The following CDK9 variants were observed in gnomAD, a reference collection of about 807,000 sequenced individuals.
CDK9 encodes cyclin dependent kinase 9.
A neutral mutation model predicts 39.0 loss-of-function variants in CDK9; 34 were observed. The observed-to-expected ratio is 0.87, with a 90% CI of 0.66 to 1.16. The LOEUF is 1.16. CDK9 is among the 50% of genes most tolerant of loss of function. CDK9 has a pLI of 0.00. For synonymous variants in CDK9, 233 were observed against 196.2 expected (o/e 1.19, Z -1.57); for missense variants, 369 against 503.2 (o/e 0.73, Z 2.55).
At chr9:127,787,405 G>C in intron 2 of CDK9, 113 bp from the exon 3 acceptor site, 1 of 660,204 alleles carries the variant, frequency 1.5e-6, no homozygotes, top group South Asian at 2.0e-5. Context: ...GAGACAGCTG[G>C]TTTCAGAGCC....
chr9:127,786,922 T>C, intron 2 of CDK9, 140 bp downstream of exon 2: 1 of 673,360 alleles, frequency 1.5e-6, no homozygotes, highest in Non-Finnish European at 2.6e-6. Flanking sequence ...GGAATGTGGC[T>C]TCCACCCTAA....
intron 1 of CDK9, 42 bp downstream of exon 1, chr9:127,786,282 C>G (rs780276638): frequency 6.7e-7 from 1 of 1,494,018 alleles, no homozygotes; most frequent in Non-Finnish European, 9.2e-7. Flanking sequence ...TGGGCCTGCA[C>G]CCCTAGGGCC....
At chr9:127,788,414 G>T in intron 5 of CDK9, 29 bp downstream of exon 5, 3 of 1,598,562 alleles carry the variant, frequency 1.9e-6, no homozygotes, top group Non-Finnish European at 2.6e-6. Context: ...GCCAAGGGGG[G>T]TGAGGGCCAG....
At chr9:127,787,379 T>C in intron 2 of CDK9, 139 bp from the exon 3 acceptor site, 1 of 598,360 alleles carries the variant, frequency 1.7e-6, no homozygotes, top group African/African-American at 1.9e-5. Flanking sequence ...ATATCCATTT[T>C]ATAGACAAGG....
At position 127,789,434 on chromosome 9, in the gene CDK9, A is replaced by T. The variant is rs760988808; in HGVS notation, c.1010A>T (p.Glu337Val). 1 of 1,613,916 alleles carries T rather than the reference A, an allele frequency of 6.2e-7. No homozygotes were observed. Among genetic ancestry groups the T allele is most frequent in the Non-Finnish European group, 8.5e-7 (1 of 1,179,998 alleles). The part of the protein sequence containing the change: ...MLSTHLTSMF[E>V]YLAPPRRKGS... ...TCCACCCACCTGACGTCCATGTTCG[A>T]GTACTTGGCACCACCGCGCCGGAAG... is the stretch of plus-strand genomic sequence containing the variant. Residue 337 changes from glutamate to valine, a missense_variant, in exon 7 of 7, where the codon GAG (glutamate) becomes GTG (valine). Coordinates refer to ENST00000373264, the MANE Select transcript of CDK9 (RefSeq NM_001261.4). This position sits in a 1 kb window ranked among gnomAD's most constrained non-coding sequence, Gnocchi z 5.2.
rs967980873 is a variant in CDK9, at chr9:127,790,258, C to T, written c.*715C>T. 1 of 152,108 alleles carries T rather than the reference C, an allele frequency of 6.6e-6. No homozygotes were observed. Among genetic ancestry groups the T allele is most frequent in the Non-Finnish European group, 1.5e-5 (1 of 68,058 alleles). 9.4% of individuals were successfully genotyped at this position (152,108 alleles called of 1,614,324 possible). A position where few individuals can be genotyped will look rare whatever the true frequency, so the allele number is the denominator to read the frequency against. On this transcript the variant is annotated 3_prime_UTR_variant, in exon 7 of 7. Transcript: ENST00000373264. ...GTTCTCTTCCATAATTGGAAAGGAC[C>T]TTTGTCTGTTTTTCCTCTTGGGTGC...
In CDK9 at chr9:127,789,686, G is replaced by A; in HGVS notation, c.*143G>A. ...CTGGGCTCTGGGAGCAGCCCGCTGA[G>A]TGGACTGGAGTGGAGCATTGGCTGA... is the stretch of plus-strand genomic sequence containing the variant. On this transcript the variant is annotated 3_prime_UTR_variant, in exon 7 of 7. Coordinates refer to ENST00000373264, the MANE Select transcript of CDK9 (RefSeq NM_001261.4). The surrounding 1 kb of genome is among the most constrained non-coding windows in gnomAD (Gnocchi z 5.2). The A allele has an allele frequency of 9.7e-7, 1 of 1,030,190 alleles. No individual in the cohort carries two copies. The highest frequency in any genetic ancestry group is 1.7e-5 in the South Asian group (1 of 60,276). 63.8% of individuals were successfully genotyped at this position (1,030,190 alleles called of 1,614,324 possible).
In CDK9 at chr9:127,790,383, G is replaced by C. The variant is rs985775748; in HGVS notation, c.*840G>C. ...TCACCCAGCTGGGCAAATCACTGGA[G>C]TGACAATTTGACCTGTCACCTGAGA... On this transcript the variant is annotated 3_prime_UTR_variant, in exon 7 of 7. Transcript: ENST00000373264. 1 of 152,318 alleles carries C rather than the reference G, an allele frequency of 6.6e-6. No homozygotes were observed. Among genetic ancestry groups the C allele is most frequent in the African/African-American group, 2.4e-5 (1 of 41,446 alleles). The allele number at this position is 152,318 out of a possible 1,614,324, so 9.4% of individuals were successfully genotyped here. A position where few individuals can be genotyped will look rare whatever the true frequency, so the allele number is the denominator to read the frequency against.
intron 2 of CDK9, among the ~76,000 whole-genome samples, chr9:127,787,065 T>C (rs1361183277): frequency 6.6e-6 from 1 of 152,220 alleles, no homozygotes; most frequent in Non-Finnish European, 1.5e-5. Context: ...TTTCGCTTAA[T>C]GTAAAAGAAA....
In CDK9 at chr9:127,789,210, C is replaced by G; in HGVS notation, c.786C>G (p.Tyr262Ter). Residue 262 changes from tyrosine (Y) to a stop codon, truncating the protein, a stop_gained, in exon 7 of 7, where the codon TAC becomes TAG. Transcript: ENST00000373264. LOFTEE classifies it high-confidence loss of function. This position sits in a 1 kb window ranked among gnomAD's most constrained non-coding sequence, Gnocchi z 5.2. The stretch of plus-strand genomic sequence containing the variant: ...CAAACGTGGACAACTATGAGCTGTA[C>G]GAAAAGCTGGAGCTGGTCAAGGGCC... ...VWPNVDNYEL[Y>*]EKLELVKGQK... 6.2e-7 allele frequency: 1 copy of G among 1,602,540 alleles called. No homozygotes were observed. The highest frequency in any genetic ancestry group is 8.5e-7 in the Non-Finnish European group (1 of 1,172,298).
In CDK9 at chr9:127,786,144, C is replaced by G; in HGVS notation, c.-5C>G. ...GGGGGCGGCGGCGGCGCGTTGGAGG[C>G]GGCCATGGCAAAGCAGTACGACTCG... On this transcript the variant is annotated 5_prime_UTR_variant, in exon 1 of 7. Coordinates refer to ENST00000373264, the MANE Select transcript of CDK9 (RefSeq NM_001261.4). 6.3e-7 allele frequency: 1 copy of G among 1,592,012 alleles called. No individual in the cohort carries two copies. Among genetic ancestry groups the G allele is most frequent in the Non-Finnish European group, 8.5e-7 (1 of 1,170,436 alleles).
In CDK9 at chr9:127,789,985, CAGGAGAATTTTACTGTGT is replaced by C. The variant is rs1442970371; in HGVS notation, c.*443_*460del. The C allele has an allele frequency of 6.2e-6, 1 of 162,086 alleles. No homozygotes were observed. Among genetic ancestry groups the C allele is most frequent in the Non-Finnish European group, 1.3e-5 (1 of 74,728 alleles). The allele number at this position is 162,086 out of a possible 1,614,324, so 10.0% of individuals were successfully genotyped here. A position where few individuals can be genotyped will look rare whatever the true frequency, so the allele number is the denominator to read the frequency against. The stretch of plus-strand genomic sequence containing the variant: ...TGGCACAAACTCTTGGTTTCTTCAA[CAGGAGAATTTTACTGTGT>C]TTCTTTTGGTTCCATTGTTTGGAGA... On this transcript the variant is annotated 3_prime_UTR_variant, in exon 7 of 7. Transcript: ENST00000373264. This position sits in a 1 kb window ranked among gnomAD's most constrained non-coding sequence, Gnocchi z 5.2.
Position 127,789,229 on chromosome 9 carries a change from A to G in CDK9, c.805A>G (p.Lys269Glu). The change falls in exon 7 of 7, where the codon AAG becomes GAG. Residue 269 changes from lysine to glutamate, a missense_variant. Lys to Glu is a moderately conservative substitution (Grantham distance 56, BLOSUM62 1). Coordinates refer to ENST00000373264, the MANE Select transcript of CDK9 (RefSeq NM_001261.4). This position sits in a 1 kb window ranked among gnomAD's most constrained non-coding sequence, Gnocchi z 5.2. ...YELYEKLELV[K>E]GQKRKVKDRL... ...GCTGTACGAAAAGCTGGAGCTGGTC[A>G]AGGGCCAGAAGCGGAAGGTGAAGGA... 6.2e-7 allele frequency: 1 copy of G among 1,610,242 alleles called. No homozygotes were observed. Among genetic ancestry groups the G allele is most frequent in the Non-Finnish European group, 8.5e-7 (1 of 1,177,218 alleles).
intron 3 of CDK9, 88 bp from the exon 4 acceptor site, chr9:127,787,859 G>A: frequency 5.7e-6 from 8 of 1,409,346 alleles, no homozygotes; most frequent in Non-Finnish European, 8.0e-6. Context: ...GGTGCCCGTG[G>A]GTTGGAGCAG....
chr9:127,786,110 G>T lies in CDK9; in HGVS notation c.-39G>T, dbSNP rs544840251. The T allele has an allele frequency of 3.3e-6, 5 of 1,511,230 alleles. No individual in the cohort carries two copies. In the South Asian group the frequency reaches 4.6e-5, roughly 14 times the overall value. The allele number at this position is 1,511,230 out of a possible 1,614,324, so 93.6% of individuals were successfully genotyped here. The stretch of plus-strand genomic sequence containing the variant: ...GGGACCCGGAGCAGGAGCGGCGGCA[G>T]CAGCGACTGGGGGCGGCGGCGGCGC... On this transcript the variant is annotated 5_prime_UTR_variant, in exon 1 of 7. Transcript: ENST00000373264.
In CDK9 at chr9:127,786,208, G is replaced by C; in HGVS notation, c.60G>C (p.Glu20Asp). 2.5e-6 allele frequency: 4 copies of C among 1,609,804 alleles called. No homozygotes were observed. Among genetic ancestry groups the C allele is most frequent in the Non-Finnish European group, 3.4e-6 (4 of 1,178,534 alleles). Reference sequence around the variant, plus strand: ...TTTGTGATGAAGTTTCCAAATACGAGAAGCTCGCCAAGATCGGCCAAGGCA... The same window carrying C: ...TTTGTGATGAAGTTTCCAAATACGACAAGCTCGCCAAGATCGGCCAAGGCA... ...CPFCDEVSKY[E>D]KLAKIGQGTF... is the part of the protein sequence containing the mutation. Residue 20 changes from glutamate (E) to aspartate (D), a missense_variant, in exon 1 of 7, where the codon GAG becomes GAC. Transcript: ENST00000373264.
rs1242252193 is a variant in CDK9, at chr9:127,789,659, C to T, written c.*116C>T. ...TCATGCATATTTTATTTAATCCCCA[C>T]CCTGGGCTCTGGGAGCAGCCCGCTG... On this transcript the variant is annotated 3_prime_UTR_variant, in exon 7 of 7. Coordinates refer to ENST00000373264, the MANE Select transcript of CDK9 (RefSeq NM_001261.4). The surrounding 1 kb of genome is among the most constrained non-coding windows in gnomAD (Gnocchi z 5.2). 1.2e-5 allele frequency: 17 copies of T among 1,363,014 alleles called. No individual in the cohort carries two copies. The East Asian group carries it at 3.5e-4, about 28-fold the overall frequency. 84.4% of individuals were successfully genotyped at this position (1,363,014 alleles called of 1,614,324 possible).
rs1564432433 is a variant in CDK9, at chr9:127,786,776, G to A, written c.168G>A (p.Lys56=). 1.9e-6 allele frequency: 3 copies of A among 1,613,928 alleles called. No homozygotes were observed. Among genetic ancestry groups the A allele is most frequent in the East Asian group, 2.2e-5 (1 of 44,892 alleles). ...AGAAGGTGCTGATGGAAAACGAGAAGGAGGGGGTGAGTACGGATCGGGCGT... is the reference window on the plus strand; with the variant it reads ...AGAAGGTGCTGATGGAAAACGAGAAAGAGGGGGTGAGTACGGATCGGGCGT... ...ALKKVLMENE[K]EGFPITALRE... The change falls in exon 2 of 7, where the codon AAG becomes AAA. Residue 56 remains lysine, a synonymous_variant. Transcript: ENST00000373264.
rs1242418682 is a variant in CDK9 at position 127,786,135 on chromosome 9, C to T, written c.-14C>T. 5.0e-6 allele frequency: 8 copies of T among 1,584,706 alleles called. No homozygotes were observed. Among genetic ancestry groups the T allele is most frequent in the Non-Finnish European group, 6.9e-6 (8 of 1,165,330 alleles). Reference sequence around the variant, plus strand: ...GCAGCGACTGGGGGCGGCGGCGGCGCGTTGGAGGCGGCCATGGCAAAGCAG... The same window carrying T: ...GCAGCGACTGGGGGCGGCGGCGGCGTGTTGGAGGCGGCCATGGCAAAGCAG... On this transcript the variant is annotated 5_prime_UTR_variant, in exon 1 of 7. Coordinates refer to ENST00000373264, the MANE Select transcript of CDK9 (RefSeq NM_001261.4).
Sources: gnomAD v4.1 joint callset for allele counts (sites outside exome capture counted in the v4.1 genomes callset) on GRCh38, gnomAD v4.1.1 for gene constraint, Gnocchi (gnomAD v3.1) non-coding constraint, MANE v1.5 for transcripts, NCBI Gene and HGNC (gene_info 2026-07-23, HGNC 2026-07-21) for gene names.